FREM1: variants seen among roughly 807,000 people sequenced by gnomAD.
FREM1 encodes FRAS1 related extracellular matrix 1.
FREM1 carries 220 observed loss-of-function variants against 210.1 expected under a neutral mutation model. The ratio of observed to expected loss-of-function variants is 1.05; its 90% CI spans 0.94 to 1.17. The LOEUF (loss-of-function observed/expected upper bound fraction) is 1.17. Among genes scored for constraint, FREM1 ranks in the 50% most tolerant of loss-of-function variants. The pLI, the probability that FREM1 is intolerant of heterozygous loss-of-function variation, is 0.00. For missense variants in FREM1, 3,454 were observed against 2,675.5 expected (o/e 1.29, Z -6.42); for synonymous variants, 1,189 against 980.2 (o/e 1.21, Z -3.98).
At chr9:14,749,741 T>G (rs1448350701) in intron 30 of FREM1, among the ~76,000 whole-genome samples, 1 of 152,206 alleles carries the variant, frequency 6.6e-6, no homozygotes, top group African/African-American at 2.4e-5. Context: ...ATTTTCCTGG[T>G]CACACTACAG....
chr9:14,774,057 C>A (rs887529748), intron 25 of FREM1: 4 of 512,374 alleles, frequency 7.8e-6, no homozygotes, highest in African/African-American at 7.8e-5. Flanking sequence ...ATACAAAGTG[C>A]TTCTTACTGT....
At chr9:14,855,528 A>G (rs937829143) in intron 5 of FREM1, among the ~76,000 whole-genome samples, 1 of 152,202 alleles carries the variant, frequency 6.6e-6, no homozygotes, top group Non-Finnish European at 1.5e-5. Flanking sequence ...AAAACTTCAC[A>G]TATAGTATAA....
rs866028851 is a variant in FREM1 at position 14,742,902 on chromosome 9, T to C, written c.6255-2668A>G. Among the ~76,000 whole-genome samples the C allele has an allele frequency of 3.7e-4, 57 of 152,126 alleles. 1 individual carries two copies. Among genetic ancestry groups the C allele is most frequent in the Middle Eastern group, 6.8e-3 (2 of 294 alleles). ...TACTTAGGGGACCTGTTTTAGAGAG[T>C]ATAAGGATGAAAAACTAAATTCTAT... On this transcript the variant is annotated intron_variant, in intron 35 of 36. Transcript: ENST00000380880.
intron 3 of FREM1, among the ~76,000 whole-genome samples, chr9:14,862,971 T>C (rs1041434887): frequency 6.6e-6 from 1 of 152,180 alleles, no homozygotes; most frequent in South Asian, 2.1e-4. Flanking sequence ...TAAGTTTTCA[T>C]TTTTCTTATA....
intron 1 of FREM1, among the ~76,000 whole-genome samples, chr9:14,887,701 A>G (rs1017626912): frequency 1.3e-5 from 2 of 152,076 alleles, no homozygotes; most frequent in African/African-American, 4.8e-5. Flanking sequence ...TACTTTGCTT[A>G]TTAATGTGCT....
At chr9:14,839,780 G>A (rs1256503027) in intron 10 of FREM1, among the ~76,000 whole-genome samples, 1 of 152,110 alleles carries the variant, frequency 6.6e-6, no homozygotes, top group East Asian at 1.9e-4. Context: ...AAGGCCCATA[G>A]GCCACTAAAA....
intron 1 of FREM1, among the ~76,000 whole-genome samples, chr9:14,871,266 T>C (rs1053339939): frequency 3.7e-4 from 56 of 152,190 alleles, no homozygotes; most frequent in African/African-American, 1.2e-3. Context: ...TTTACAGTCC[T>C]ACCAACAGTG....
At chr9:14,872,323 T>G (rs1350210505) in intron 1 of FREM1, among the ~76,000 whole-genome samples, 1 of 152,178 alleles carries the variant, frequency 6.6e-6, no homozygotes, top group Non-Finnish European at 1.5e-5. Context: ...TTCCATTTCT[T>G]TGTATCCTCT....
chr9:14,799,658 GA>G (rs1853137778), intron 20 of FREM1, among the ~76,000 whole-genome samples: 2 of 150,658 alleles, frequency 1.3e-5, no homozygotes, highest in Non-Finnish European at 3.0e-5. Flanking sequence ...GGTCAAATTT[GA>G]AAAAAAAATT....
chr9:14,891,747 C>A (rs2132389911), intron 1 of FREM1, among the ~76,000 whole-genome samples: 1 of 152,156 alleles, frequency 6.6e-6, no homozygotes, highest in Middle Eastern at 3.4e-3. Context: ...AAAGTAAGGG[C>A]ATGTTTGAAG....
chr9:14,739,565 A>G (rs1841130400), intron 36 of FREM1, among the ~76,000 whole-genome samples: 1 of 147,406 alleles, frequency 6.8e-6, no homozygotes, highest in Non-Finnish European at 1.5e-5. Context: ...CAAATATAAT[A>G]TATATTTATA....
At chr9:14,837,123 C>T (rs1421777745) in intron 10 of FREM1, among the ~76,000 whole-genome samples, 2 of 152,196 alleles carry the variant, frequency 1.3e-5, no homozygotes, top group Non-Finnish European at 2.9e-5. Context: ...TGGCCGCCCC[C>T]ACATATCCCC....
rs1264493149 is a variant in FREM1, at chr9:14,869,149, G to C, written c.-172C>G. On this transcript the variant is annotated 5_prime_UTR_variant, in exon 2 of 37. Transcript: ENST00000380880. ...CTTTCATTTCAAAGTCAGACAAGGG[G>C]GCCTTTCAGGCAATCCCAGGGCTTT... is the stretch of plus-strand genomic sequence containing the variant. 1.8e-6 allele frequency: 1 copy of C among 544,132 alleles called. No homozygotes were observed. The highest frequency in any genetic ancestry group is 2.8e-5 in the East Asian group (1 of 35,600). The allele number at this position is 544,132 out of a possible 1,614,324, so 33.7% of individuals were successfully genotyped here.
In FREM1 at chr9:14,776,089, T is replaced by C. The variant is rs1194897065; in HGVS notation, c.4557A>G (p.Gln1519=). The C allele has an allele frequency of 6.2e-7, 1 of 1,611,666 alleles. No homozygotes were observed. Among genetic ancestry groups the C allele is most frequent in the South Asian group, 1.1e-5 (1 of 90,848 alleles). Reference sequence around the variant, plus strand: ...CAGGGGAAAGCAGGCCCACGGCCCCTTGGGCCAGTCTCAACCCCTTGTTCC... The same window carrying C: ...CAGGGGAAAGCAGGCCCACGGCCCCCTGGGCCAGTCTCAACCCCTTGTTCC... ...VTRNKGLRLA[Q]GAVGLLSPDL... is the part of the protein sequence containing the mutation. Residue 1519 remains glutamine (Q), a synonymous_variant, in exon 25 of 37, where the codon CAA becomes CAG. Coordinates refer to ENST00000380880, the MANE Select transcript of FREM1 (RefSeq NM_001379081.2).
intron 10 of FREM1, among the ~76,000 whole-genome samples, chr9:14,831,128 A>G (rs1823484683): frequency 6.6e-6 from 1 of 152,134 alleles, no homozygotes; most frequent in Admixed American, 6.5e-5. Flanking sequence ...TGAGGCTGGG[A>G]AAAGTTCTGA....
chr9:14,816,497 G>C (rs1236481368), intron 15 of FREM1, among the ~76,000 whole-genome samples: 1 of 152,068 alleles, frequency 6.6e-6, no homozygotes, highest in African/African-American at 2.4e-5. Flanking sequence ...AGGTTTATAG[G>C]TCATGAGGGC....
At chr9:14,880,241 T>G (rs927137764) in intron 1 of FREM1, among the ~76,000 whole-genome samples, 7 of 152,154 alleles carry the variant, frequency 4.6e-5, no homozygotes, top group Admixed American at 4.6e-4. Context: ...ATTTCTGTTA[T>G]AGCAGCCTGA....
intron 7 of FREM1, among the ~76,000 whole-genome samples, chr9:14,848,222 A>G (rs1469015858): frequency 6.6e-6 from 1 of 152,266 alleles, no homozygotes; most frequent in African/African-American, 2.4e-5. Context: ...ATAGAAAGCC[A>G]TATTTTAAAG....
In FREM1 at chr9:14,861,390, CAT is replaced by C. The variant is rs1277231439; in HGVS notation, c.330-1908_330-1907del. 4.1e-5 allele frequency among the ~76,000 whole-genome samples: 6 copies of C among 146,670 alleles called. 1 individual carries two copies. The highest frequency in any genetic ancestry group is 1.5e-4 in the African/African-American group (6 of 39,618). ...ATACACGTATATACATATATGTACA[CAT>C]ATATATGTAATGGGGTACATGAGAT... On this transcript the variant is annotated intron_variant, in intron 3 of 36. Transcript: ENST00000380880.
Sources: allele counts gnomAD v4.1 joint callset (sites outside exome capture counted in the v4.1 genomes callset), GRCh38; gene constraint gnomAD v4.1.1; transcripts MANE v1.5; gene names NCBI Gene and HGNC (gene_info 2026-07-23, HGNC 2026-07-21).